Variants in PAX3 observed in about 807,000 individuals in gnomAD.
The protein encoded by PAX3 is paired box 3.
PAX3 carries 14 observed loss-of-function variants against 51.6 expected under a neutral mutation model. The observed-to-expected ratio is 0.27, with a 90% confidence interval of 0.18 to 0.42. The LOEUF (loss-of-function observed/expected upper bound fraction) is 0.42, where lower values mean the gene tolerates loss of function less well. PAX3 is among the 10% of genes least tolerant of loss of function. The pLI is 1.00. For synonymous variants in PAX3, 280 were observed against 253.4 expected (o/e 1.11, Z -1.00); for missense variants, 540 against 642.8 (o/e 0.84, Z 1.73).
chr2:222,256,004 C>T (rs1693628169), intron 4 of PAX3, among the ~76,000 whole-genome samples: 1 of 147,402 alleles, frequency 6.8e-6, no homozygotes, highest in Non-Finnish European at 1.5e-5. Context: ...TTCCTGACCT[C>T]GTGATCTGCC....
Position 222,228,697 on chromosome 2 carries a change from C to T in PAX3, c.792+3381G>A, listed in dbSNP as rs151222853. 1.4e-3 allele frequency among the ~76,000 whole-genome samples: 219 copies of T among 152,140 alleles called. 1 individual carries two copies. Among genetic ancestry groups the T allele is most frequent in the Middle Eastern group, 6.8e-3 (2 of 294 alleles). Reference sequence around the variant, plus strand: ...CACCTGTAATCTCAACACTTTGAGACGCTGAGGAGGGAGGATCACTTGAGT... The same window carrying T: ...CACCTGTAATCTCAACACTTTGAGATGCTGAGGAGGGAGGATCACTTGAGT... On this transcript the variant is annotated intron_variant, in intron 5 of 8. Coordinates refer to ENST00000392070, the MANE Select transcript of PAX3 (RefSeq NM_181458.4).
At chr2:222,239,119 T>A (rs1488265692) in intron 4 of PAX3, among the ~76,000 whole-genome samples, 1 of 152,234 alleles carries the variant, frequency 6.6e-6, no homozygotes, top group Non-Finnish European at 1.5e-5. Flanking sequence ...CCCTTTGTGA[T>A]CTTTGGGATT....
intron 4 of PAX3, among the ~76,000 whole-genome samples, chr2:222,290,950 G>C (rs945724958): frequency 2.0e-5 from 3 of 151,928 alleles, no homozygotes; most frequent in African/African-American, 7.2e-5. Context: ...GGAGAAGAAG[G>C]GGGGAGGCGG....
intron 7 of PAX3, among the ~76,000 whole-genome samples, chr2:222,202,570 T>C (rs1021961999): frequency 3.9e-5 from 6 of 152,174 alleles, no homozygotes; most frequent in African/African-American, 1.4e-4. Flanking sequence ...CAGAAAAATG[T>C]CTATTCATAC....
At chr2:222,245,470 A>G (rs1223158977) in intron 4 of PAX3, among the ~76,000 whole-genome samples, 1 of 152,236 alleles carries the variant, frequency 6.6e-6, no homozygotes, top group Admixed American at 6.5e-5. Context: ...TAGGTCAGGT[A>G]CCCAACACCA....
chr2:222,282,623 T>G (rs1346276651), intron 4 of PAX3, among the ~76,000 whole-genome samples: 2 of 152,196 alleles, frequency 1.3e-5, no homozygotes, highest in Non-Finnish European at 2.9e-5. Context: ...ATAATTATAA[T>G]AAGTTGCCTC....
chr2:222,226,146 A>G (rs1305333196), intron 5 of PAX3, among the ~76,000 whole-genome samples: 1 of 152,218 alleles, frequency 6.6e-6, no homozygotes, highest in Non-Finnish European at 1.5e-5. Context: ...GGGAGAGAAC[A>G]TAATAGTTAA....
intron 4 of PAX3, among the ~76,000 whole-genome samples, chr2:222,274,573 A>G (rs1694356630): frequency 6.6e-6 from 1 of 151,930 alleles, no homozygotes; most frequent in Non-Finnish European, 1.5e-5. Flanking sequence ...TAGAGTGGAA[A>G]TGTTTTTAAA....
chr2:222,288,169 C>G (rs1694902645), intron 4 of PAX3, among the ~76,000 whole-genome samples: 1 of 152,198 alleles, frequency 6.6e-6, no homozygotes, highest in African/African-American at 2.4e-5. Flanking sequence ...TCAAAATCAA[C>G]AGTTTAAAAG....
Position 222,237,305 on chromosome 2 carries a change from G to A in PAX3, c.587-5022C>T, listed in dbSNP as rs1574669494. On this transcript the variant is annotated intron_variant, in intron 4 of 8. Coordinates refer to ENST00000392070, the MANE Select transcript of PAX3 (RefSeq NM_181458.4). ...TTCTAGCTTAGAGTATCTTAAATGA[G>A]TGTTGAGTCTTTTATCACATGCACA... Among the ~76,000 whole-genome samples the A allele has an allele frequency of 2.1e-5, 3 of 142,930 alleles. No homozygotes were observed. In the South Asian group the frequency reaches 6.8e-4, roughly 33 times the overall value. 93.8% of individuals were successfully genotyped at this position (142,930 alleles called of 152,430 possible).
intron 7 of PAX3, among the ~76,000 whole-genome samples, chr2:222,219,090 T>C (rs1692082369): frequency 6.6e-6 from 1 of 152,118 alleles, no homozygotes; most frequent in Admixed American, 6.5e-5. Flanking sequence ...CTTTGTGCCA[T>C]TAAAATCTCA....
chr2:222,238,216 G>T (rs1485984217), intron 4 of PAX3, among the ~76,000 whole-genome samples: 2 of 152,190 alleles, frequency 1.3e-5, no homozygotes, highest in Non-Finnish European at 2.9e-5. Context: ...ATTACCACCA[G>T]CGGGCTAACC....
rs116797050 is a variant in PAX3, at chr2:222,222,485, C to A, written c.793-1098G>T. Among the ~76,000 whole-genome samples, 649 of 151,630 alleles carry A rather than the reference C, an allele frequency of 4.3e-3. 9 individuals carry two copies. The highest frequency in any genetic ancestry group is 0.015 in the African/African-American group (627 of 41,280). On this transcript the variant is annotated intron_variant, in intron 5 of 8. Coordinates refer to ENST00000392070, the MANE Select transcript of PAX3 (RefSeq NM_181458.4). ...ATGGCGGGATCTCAGTTCAACCCAA[C>A]CTCCGCCTCCCAGGTTCAAGGGATT... is the stretch of plus-strand genomic sequence containing the variant.
At chr2:222,235,892 C>A (rs1322212581) in intron 4 of PAX3, among the ~76,000 whole-genome samples, 1 of 152,172 alleles carries the variant, frequency 6.6e-6, no homozygotes, top group Non-Finnish European at 1.5e-5. Context: ...ACTGTTTATT[C>A]AAAAGCAATG....
intron 4 of PAX3, among the ~76,000 whole-genome samples, chr2:222,285,415 G>A (rs1694797644): frequency 6.6e-6 from 1 of 152,232 alleles, no homozygotes; most frequent in Admixed American, 6.5e-5. Context: ...TGTGAACTGG[G>A]TAAGTTATGC....
At chr2:222,284,738 G>A (rs987912895) in intron 4 of PAX3, among the ~76,000 whole-genome samples, 8 of 152,162 alleles carry the variant, frequency 5.3e-5, no homozygotes, top group African/African-American at 1.9e-4. Flanking sequence ...CTTTCTGAGT[G>A]TTCAGAGATT....
chr2:222,270,173 C>G (rs1412531480), intron 4 of PAX3, among the ~76,000 whole-genome samples: 1 of 152,198 alleles, frequency 6.6e-6, no homozygotes, highest in Non-Finnish European at 1.5e-5. Context: ...CCTGTTTCCC[C>G]TCTTCATCAT....
intron 4 of PAX3, among the ~76,000 whole-genome samples, chr2:222,267,155 C>T (rs751246864): frequency 9.2e-5 from 14 of 152,216 alleles, no homozygotes; most frequent in Non-Finnish European, 1.8e-4. Flanking sequence ...TTCTCTCTCA[C>T]CACTGTTCCC....
chr2:222,257,683 T>G (rs1240870693), intron 4 of PAX3, among the ~76,000 whole-genome samples: 1 of 152,196 alleles, frequency 6.6e-6, no homozygotes, highest in Non-Finnish European at 1.5e-5. Context: ...GAATTATGCT[T>G]AAGAAAATAA....
Sources: allele counts gnomAD v4.1 joint callset (sites outside exome capture counted in the v4.1 genomes callset), GRCh38; gene constraint gnomAD v4.1.1; transcripts MANE v1.5; gene names NCBI Gene and HGNC (gene_info 2026-07-23, HGNC 2026-07-21).